ST7L: variants seen among roughly 807,000 people sequenced by gnomAD.
ST7L encodes suppression of tumorigenicity 7 like.
ST7L carries 57 observed loss-of-function variants against 72.5 expected under a neutral mutation model. The ratio of observed to expected loss-of-function variants is 0.79; its 90% confidence interval spans 0.64 to 0.98. The LOEUF (loss-of-function observed/expected upper bound fraction) is 0.98, where lower values mean the gene tolerates loss of function less well. Among genes scored for constraint, ST7L ranks in the 50% least tolerant of loss-of-function variants. The pLI, the probability that ST7L is intolerant of heterozygous loss-of-function variation, is 0.00. For synonymous variants in ST7L, 221 were observed against 240.9 expected (o/e 0.92, Z 0.77); for missense variants, 576 against 672.2 (o/e 0.86, Z 1.58).
At chr1:112,569,943 GGA>G (rs1311959662) in intron 11 of ST7L, among the ~76,000 whole-genome samples, 1 of 140,670 alleles carries the variant, frequency 7.1e-6, no homozygotes, top group African/African-American at 2.6e-5. Flanking sequence ...GGATGACAGA[GGA>G]AGATTCTGTC....
At chr1:112,571,119 G>A (rs12041020) in intron 11 of ST7L, among the ~76,000 whole-genome samples, 2 of 152,116 alleles carry the variant, frequency 1.3e-5, no homozygotes, top group African/African-American at 2.4e-5. Context: ...GCAGTGAGCC[G>A]AGATCAGCCC....
chr1:112,611,184 AT>A (rs1164823892), intron 2 of ST7L, among the ~76,000 whole-genome samples, 181 bp from the exon 3 acceptor site: 2 of 152,244 alleles, frequency 1.3e-5, no homozygotes, highest in African/African-American at 4.8e-5. Context: ...AGTGAAATAC[AT>A]TTTTTATAGT....
chr1:112,526,079 T>C lies in ST7L; in HGVS notation c.1662A>G (p.Ala554=). ...GTGTATTCTCCTCAAAGCCTGAGGATGCCCAGGGTTGGGGGCACCAGAGTC... is the reference window on the plus strand; with the variant it reads ...GTGTATTCTCCTCAAAGCCTGAGGACGCCCAGGGTTGGGGGCACCAGAGTC... ...VLGLWCPQPW[A]SSGFEENTQD... The change falls in exon 15 of 15, where the codon GCA becomes GCG. Residue 554 remains alanine, a synonymous_variant. Coordinates refer to ENST00000358039, the MANE Select transcript of ST7L (RefSeq NM_017744.5). The C allele has an allele frequency of 6.2e-7, 1 of 1,614,176 alleles. No individual in the cohort carries two copies. Among genetic ancestry groups the C allele is most frequent in the Non-Finnish European group, 8.5e-7 (1 of 1,180,030 alleles).
In ST7L at chr1:112,537,977, G is replaced by A. The variant is rs150646354; in HGVS notation, c.1629+3974C>T. Among the ~76,000 whole-genome samples, 76 of 152,328 alleles carry A rather than the reference G, an allele frequency of 5.0e-4. No individual in the cohort carries two copies. In the East Asian group the frequency reaches 0.011, roughly 22 times the overall value. ...GAATTATTTAAAATCAGTGTCCAGTGCCTGGCCTCACCATAACACAATTTT... is the reference window on the plus strand; with the variant it reads ...GAATTATTTAAAATCAGTGTCCAGTACCTGGCCTCACCATAACACAATTTT... On this transcript the variant is annotated intron_variant, in intron 14 of 14. Coordinates refer to ENST00000358039, the MANE Select transcript of ST7L (RefSeq NM_017744.5).
intron 11 of ST7L, among the ~76,000 whole-genome samples, chr1:112,560,066 C>A (rs1267052104): frequency 1.3e-5 from 2 of 152,048 alleles, no homozygotes; most frequent in Admixed American, 6.6e-5. Context: ...TCCTACCCAC[C>A]AGCAAATATC....
chr1:112,609,142 C>T (rs912830312), intron 3 of ST7L, among the ~76,000 whole-genome samples: 2 of 152,026 alleles, frequency 1.3e-5, no homozygotes, highest in African/African-American at 4.8e-5. Context: ...GCCTGGGCAA[C>T]ATACTGAGAC....
rs557477907 is a variant in ST7L at position 112,599,930 on chromosome 1, T to A, written c.506+864A>T. ...ATTATCAAATTAAACACAGGCTATGTGTGGTGGCTCATGCTTGTAATTCCA... is the reference window on the plus strand; with the variant it reads ...ATTATCAAATTAAACACAGGCTATGAGTGGTGGCTCATGCTTGTAATTCCA... On this transcript the variant is annotated intron_variant, in intron 4 of 14. Coordinates refer to ENST00000358039, the MANE Select transcript of ST7L (RefSeq NM_017744.5). Among the ~76,000 whole-genome samples, 10 of 152,300 alleles carry A rather than the reference T, an allele frequency of 6.6e-5. No homozygotes were observed. The East Asian group carries it at 1.5e-3, about 23-fold the overall frequency.
Position 112,581,973 on chromosome 1 carries a change from C to G in ST7L, c.1069+19G>C. On this transcript the variant is annotated intron_variant, in intron 9 of 14. Transcript: ENST00000358039. The stretch of plus-strand genomic sequence containing the variant: ...TGGAAAAGAATAACCATGCTATCAA[C>G]TAAGGGAATATGACTCACCATCATA... 7.0e-7 allele frequency: 1 copy of G among 1,422,562 alleles called. No individual in the cohort carries two copies. The highest frequency in any genetic ancestry group is 9.9e-7 in the Non-Finnish European group (1 of 1,007,030). The allele number at this position is 1,422,562 out of a possible 1,614,324, so 88.1% of individuals were successfully genotyped here. A position where few individuals can be genotyped will look rare whatever the true frequency, so the allele number is the denominator to read the frequency against.
intron 6 of ST7L, among the ~76,000 whole-genome samples, chr1:112,587,301 C>T (rs568952813): frequency 1.8e-4 from 28 of 152,272 alleles, no homozygotes; most frequent in Non-Finnish European, 2.8e-4. Flanking sequence ...ATGGTTTTGA[C>T]GCCCTTGTCA....
At chr1:112,546,898 T>C (rs1229430551) in intron 13 of ST7L, among the ~76,000 whole-genome samples, 1 of 151,758 alleles carries the variant, frequency 6.6e-6, no homozygotes, top group Non-Finnish European at 1.5e-5. Flanking sequence ...AAATATAGAC[T>C]TGTATGTATA....
At chr1:112,596,051 GACC>G (rs2101991090) in intron 5 of ST7L, among the ~76,000 whole-genome samples, 1 of 152,066 alleles carries the variant, frequency 6.6e-6, no homozygotes, top group South Asian at 2.1e-4. Context: ...AGGGTGGTGA[GACC>G]TAACTTCCAG....
chr1:112,544,307 A>G (rs1656710596), intron 13 of ST7L, among the ~76,000 whole-genome samples: 1 of 152,246 alleles, frequency 6.6e-6, no homozygotes, highest in Admixed American at 6.5e-5. Flanking sequence ...ATTACACCTA[A>G]GCTTCCTTCA....
intron 2 of ST7L, among the ~76,000 whole-genome samples, chr1:112,614,794 T>C (rs767297016): frequency 2.0e-5 from 3 of 151,926 alleles, no homozygotes; most frequent in Admixed American, 6.6e-5. Flanking sequence ...AAAAAATAAA[T>C]AAAAATTTAA....
At chr1:112,617,027 A>G (rs970147216) in intron 1 of ST7L, 132 bp from the exon 2 acceptor site, 7 of 578,882 alleles carry the variant, frequency 1.2e-5, no homozygotes, top group African/African-American at 3.8e-5. Flanking sequence ...CACTTGAAAA[A>G]GTTTTAATTT....
chr1:112,519,870 TTC>T (rs1186175550), downstream of ST7L, among the ~76,000 whole-genome samples: 5 of 128,902 alleles, frequency 3.9e-5, no homozygotes, highest in South Asian at 9.5e-4. Context: ...GAGCCCATGC[TTC>T]TTTTTTTTTT....
intron 2 of ST7L, among the ~76,000 whole-genome samples, chr1:112,614,899 T>C (rs1045674878): frequency 1.3e-5 from 2 of 152,238 alleles, no homozygotes; most frequent in African/African-American, 4.8e-5. Flanking sequence ...CTAGTAAACA[T>C]GACATCCTAG....
intron 11 of ST7L, among the ~76,000 whole-genome samples, chr1:112,561,455 C>T (rs190730316): frequency 2.7e-5 from 4 of 150,034 alleles, no homozygotes; most frequent in East Asian, 3.9e-4. Context: ...ATACATTTTG[C>T]GCCTCCCTTC....
chr1:112,531,816 G>A (rs114170281), intron 14 of ST7L, among the ~76,000 whole-genome samples: 3,056 of 152,154 alleles, frequency 0.02, 105 homozygotes, highest in African/African-American at 0.069. Context: ...CATGTTATAG[G>A]ACAATTAAAA....
chr1:112,579,869 A>C (rs1284533455), intron 9 of ST7L, among the ~76,000 whole-genome samples: 3 of 152,206 alleles, frequency 2.0e-5, no homozygotes, highest in African/African-American at 7.2e-5. Flanking sequence ...ATTTTTAATG[A>C]ATCAGGTCCT....
Sources: allele counts gnomAD v4.1 joint callset (sites outside exome capture counted in the v4.1 genomes callset), GRCh38; gene constraint gnomAD v4.1.1; transcripts MANE v1.5; gene names NCBI Gene and HGNC (gene_info 2026-07-23, HGNC 2026-07-21).